The following PHC2 variants were observed in gnomAD, a reference collection of about 807,000 sequenced individuals.
PHC2 encodes polyhomeotic-like protein 2.
A neutral mutation model predicts 87.4 loss-of-function variants in PHC2; 29 were observed. The observed-to-expected ratio is 0.33, with a 90% CI of 0.25 to 0.45. The LOEUF is 0.45. PHC2 is among the 20% of genes least tolerant of loss of function. PHC2 has a pLI of 1.00. For synonymous variants in PHC2, 438 were observed against 461.7 expected (o/e 0.95, Z 0.66); for missense variants, 857 against 1,136.7 (o/e 0.75, Z 3.54).
chr1:33,390,023 G>A (rs1648969405), intron 1 of PHC2, among the ~76,000 whole-genome samples: 2 of 152,122 alleles, frequency 1.3e-5, no homozygotes, highest in African/African-American at 2.4e-5. Context: ...GAAATTATAA[G>A]AAGATAGATT....
In PHC2 at chr1:33,428,398, G is replaced by C. The variant is rs1421896241; in HGVS notation, c.-55+2578C>G. 5.9e-5 allele frequency among the ~76,000 whole-genome samples: 9 copies of C among 152,204 alleles called. No individual in the cohort carries two copies. In the East Asian group the frequency reaches 1.5e-3, roughly 26 times the overall value. ...AGACCGTATTAAGCATGTCACCCCAGTGACACCTTCTTTACACGACTTGAT... is the reference window on the plus strand; with the variant it reads ...AGACCGTATTAAGCATGTCACCCCACTGACACCTTCTTTACACGACTTGAT... On this transcript the variant is annotated intron_variant, in intron 1 of 14. Coordinates refer to ENST00000683057, the MANE Select transcript of PHC2 (RefSeq NM_001385109.1).
chr1:33,414,876 AAAT>A (rs1265653903), intron 1 of PHC2, among the ~76,000 whole-genome samples: 4 of 152,358 alleles, frequency 2.6e-5, no homozygotes, highest in African/African-American at 9.6e-5. Flanking sequence ...GTTCTCTAAA[AAAT>A]AAGTTTGAAA....
intron 13 of PHC2, 125 bp downstream of exon 13, chr1:33,329,946 A>G: frequency 9.4e-7 from 1 of 1,061,786 alleles, no homozygotes; most frequent in Non-Finnish European, 1.4e-6. Context: ...ACAGGTCTAC[A>G]AGGAATGAGA....
intron 1 of PHC2, among the ~76,000 whole-genome samples, chr1:33,417,131 G>C (rs1054832623): frequency 8.6e-5 from 13 of 151,422 alleles, no homozygotes; most frequent in Non-Finnish European, 1.5e-4. Context: ...ATAAAACAAA[G>C]ACACATAAGC....
intron 2 of PHC2, among the ~76,000 whole-genome samples, chr1:33,373,712 C>T (rs1197575219): frequency 6.6e-6 from 1 of 152,182 alleles, no homozygotes; most frequent in Non-Finnish European, 1.5e-5. Flanking sequence ...ATGCCCTGCA[C>T]TGGCCTTCAC....
chr1:33,364,347 T>C lies in PHC2; in HGVS notation c.976+2769A>G, dbSNP rs1436244113. Among the ~76,000 whole-genome samples the C allele has an allele frequency of 7.4e-6, 1 of 134,426 alleles. No individual in the cohort carries two copies. The highest frequency in any genetic ancestry group is 1.7e-5 in the Non-Finnish European group (1 of 60,484). The allele number at this position is 134,426 out of a possible 152,430, so 88.2% of individuals were successfully genotyped here. On this transcript the variant is annotated intron_variant, in intron 7 of 14. Coordinates refer to ENST00000683057, the MANE Select transcript of PHC2 (RefSeq NM_001385109.1). The surrounding 1 kb of genome is among the most constrained non-coding windows in gnomAD (Gnocchi z 4.1). The stretch of plus-strand genomic sequence containing the variant: ...AAAAATGTGTGCGCGCTCGCTTGCT[T>C]TCTCTCTCCCAGACACACACACACA...
At chr1:33,399,066 T>C (rs908768277) in intron 1 of PHC2, among the ~76,000 whole-genome samples, 1 of 152,176 alleles carries the variant, frequency 6.6e-6, no homozygotes, top group Non-Finnish European at 1.5e-5. Context: ...ACTACAGATG[T>C]ACAAAGTGAA....
chr1:33,384,270 A>C (rs1648632330), intron 1 of PHC2, among the ~76,000 whole-genome samples: 1 of 152,154 alleles, frequency 6.6e-6, no homozygotes, highest in African/African-American at 2.4e-5. Context: ...CTGTGTTCTC[A>C]CAGCCTTCTG....
rs949753887 is a variant in PHC2, at chr1:33,345,671, C to A, written c.1558+8730G>T. On this transcript the variant is annotated intron_variant, in intron 9 of 14. Transcript: ENST00000683057. ...AATTCTTGACTATGATAAAAGAGCC[C>A]ATTTCTTGACCATGTCATTTATACT... 7.1e-6 allele frequency: 7 copies of A among 984,580 alleles called. No homozygotes were observed. In the Admixed American group the frequency reaches 3.7e-4, roughly 52 times the overall value. The allele number at this position is 984,580 out of a possible 1,614,324, so 61.0% of individuals were successfully genotyped here. A position where few individuals can be genotyped will look rare whatever the true frequency, so the allele number is the denominator to read the frequency against.
At chr1:33,366,966 G>A (rs879490061) in intron 7 of PHC2, 150 bp downstream of exon 7, 40 of 744,026 alleles carry the variant, frequency 5.4e-5, no homozygotes, top group Non-Finnish European at 8.8e-5. Context: ...GCCAGGAGCT[G>A]ATGGACATTT....
intron 1 of PHC2, among the ~76,000 whole-genome samples, chr1:33,416,716 T>A (rs1038977090): frequency 2.0e-5 from 3 of 151,684 alleles, no homozygotes; most frequent in Non-Finnish European, 2.9e-5. Context: ...AGTAAAAATA[T>A]CTCTCAAAGG....
At chr1:33,422,469 T>A (rs186608497) in intron 1 of PHC2, among the ~76,000 whole-genome samples, 4 of 152,300 alleles carry the variant, frequency 2.6e-5, no homozygotes, top group Admixed American at 2.0e-4. Flanking sequence ...GGCAAGCCCA[T>A]CCCTGTAATC....
intron 13 of PHC2, 82 bp downstream of exon 13, chr1:33,329,989 A>T (rs10914685): frequency 0.32 from 473,480 of 1,491,570 alleles, 78,292 homozygotes; most frequent in Admixed American, 0.48. Context: ...CGGCAGCTGG[A>T]GGGGACCGTG....
At chr1:33,379,209 C>G (rs1040746923) in intron 1 of PHC2, among the ~76,000 whole-genome samples, 5 of 151,662 alleles carry the variant, frequency 3.3e-5, no homozygotes, top group Admixed American at 6.6e-5. Flanking sequence ...ACTTCCCACA[C>G]TCTTGTCGCC....
intron 1 of PHC2, among the ~76,000 whole-genome samples, chr1:33,411,459 G>T (rs58158447): frequency 0.2 from 30,143 of 149,018 alleles, 4,821 homozygotes; most frequent in African/African-American, 0.45. Context: ...TTTTGTTGTT[G>T]TTGTTGTTGT....
intron 7 of PHC2, among the ~76,000 whole-genome samples, chr1:33,361,661 C>T (rs577274899): frequency 2.0e-4 from 30 of 152,314 alleles, no homozygotes; most frequent in Non-Finnish European, 8.8e-5. Context: ...GGTTTTTAAA[C>T]AAGAAGGAAA....
chr1:33,373,521 G>A (rs952283740), intron 2 of PHC2, among the ~76,000 whole-genome samples: 4 of 151,796 alleles, frequency 2.6e-5, no homozygotes, highest in African/African-American at 9.7e-5. Context: ...TTTCCTGATG[G>A]GATTGGCCAA....
chr1:33,405,049 T>C (rs1437061479), intron 1 of PHC2, among the ~76,000 whole-genome samples: 1 of 152,162 alleles, frequency 6.6e-6, no homozygotes, highest in Non-Finnish European at 1.5e-5. Context: ...AGTAAGAAAT[T>C]GGAGTTCATT....
In PHC2 at chr1:33,349,899, C is replaced by G; in HGVS notation, c.1558+4502G>C. ...GGCTGCAGCCGCCGCGGAGACAATG[C>G]GGCGAGTCTGGGACGGCTCCCGCGG... On this transcript the variant is annotated intron_variant, in intron 9 of 14. Coordinates refer to ENST00000683057, the MANE Select transcript of PHC2 (RefSeq NM_001385109.1). This position sits in a 1 kb window ranked among gnomAD's most constrained non-coding sequence, Gnocchi z 4.2. The G allele has an allele frequency of 2.1e-6, 2 of 974,132 alleles. No homozygotes were observed. The highest frequency in any genetic ancestry group is 2.4e-6 in the Non-Finnish European group (2 of 824,368). 60.3% of individuals were successfully genotyped at this position (974,132 alleles called of 1,614,324 possible).
Sources: allele counts gnomAD v4.1 joint callset (sites outside exome capture counted in the v4.1 genomes callset), GRCh38; gene constraint gnomAD v4.1.1; non-coding constraint Gnocchi (gnomAD v3.1); transcripts MANE v1.5; gene names NCBI Gene and HGNC (gene_info 2026-07-23, HGNC 2026-07-21).